Variants in INO80 observed in about 807,000 individuals in gnomAD.
INO80 encodes the protein chromatin-remodeling ATPase INO80.
A neutral mutation model predicts 203.4 loss-of-function variants in INO80; 20 were observed. The ratio of observed to expected loss-of-function variants is 0.10; its 90% CI spans 0.07 to 0.14. The LOEUF (loss-of-function observed/expected upper bound fraction) is 0.14. Among genes scored for constraint, INO80 ranks in the 10% least tolerant of loss-of-function variants. INO80 has a pLI of 1.00. For synonymous variants in INO80, 726 were observed against 685.2 expected, an observed-to-expected ratio of 1.06 and a Z score of -0.93; for missense variants, 1,419 against 1,914.4, an observed-to-expected ratio of 0.74 and a Z score of 4.83.
At chr15:41,064,804 C>CT (rs2045180539) in intron 14 of INO80, among the ~76,000 whole-genome samples, 1 of 152,156 alleles carries the variant, frequency 6.6e-6, no homozygotes. Context: ...TGAGACCAGC[C>CT]TGGCCAACGT....
rs1411714130 is a variant in INO80, at chr15:41,116,076, C to T, written c.-147G>A. The T allele has an allele frequency of 5.0e-6, 2 of 396,350 alleles. No individual in the cohort carries two copies. Among genetic ancestry groups the T allele is most frequent in the East Asian group, 3.6e-5 (1 of 27,946 alleles). 24.6% of individuals were successfully genotyped at this position (396,350 alleles called of 1,614,324 possible). On this transcript the variant is annotated 5_prime_UTR_variant, in exon 1 of 36. Transcript: ENST00000648947. ...CCCCGCCGACGGTGGAGCCGCGGTT[C>T]GCTCTCTGAGGCCGTGGGACGGTGA... is the stretch of plus-strand genomic sequence containing the variant.
chr15:40,987,778 G>A, intron 30 of INO80, 38 bp downstream of exon 30: 1 of 1,585,876 alleles, frequency 6.3e-7, no homozygotes, highest in Non-Finnish European at 8.6e-7. Flanking sequence ...CTTTCTGTTT[G>A]CTCCACCAGT....
chr15:41,066,616 G>C (rs905217538), intron 14 of INO80, among the ~76,000 whole-genome samples: 1 of 151,640 alleles, frequency 6.6e-6, no homozygotes, highest in East Asian at 1.9e-4. Flanking sequence ...ATTGTGTGAG[G>C]CCAGGAGTTA....
chr15:41,094,330 C>T (rs2045688302), intron 4 of INO80, among the ~76,000 whole-genome samples: 1 of 152,222 alleles, frequency 6.6e-6, no homozygotes, highest in Non-Finnish European at 1.5e-5. Flanking sequence ...TCTTTTTCCA[C>T]CAAACATACT....
At chr15:41,096,729 C>T (rs939935710) in intron 1 of INO80, among the ~76,000 whole-genome samples, 6 of 152,182 alleles carry the variant, frequency 3.9e-5, no homozygotes, top group East Asian at 1.9e-4. Flanking sequence ...CTGTTGTGCA[C>T]CTCAGAAAGG....
intron 27 of INO80, among the ~76,000 whole-genome samples, chr15:41,012,084 CAAAAG>C (rs533396233): frequency 4.6e-5 from 7 of 152,242 alleles, no homozygotes; most frequent in African/African-American, 1.7e-4. Flanking sequence ...GAATGAAACT[CAAAAG>C]AGAAGACTCA....
At chr15:41,005,514 A>G (rs1401039834) in intron 28 of INO80, 79 bp downstream of exon 28, 1 of 193,528 alleles carries the variant, frequency 5.2e-6, no homozygotes, top group Non-Finnish European at 1.0e-5. Flanking sequence ...CCTGGCATTT[A>G]AAAAAAAAAA....
chr15:41,043,474 G>T (rs2044702527), intron 24 of INO80, among the ~76,000 whole-genome samples: 1 of 152,106 alleles, frequency 6.6e-6, no homozygotes, highest in South Asian at 2.1e-4. Flanking sequence ...TTGCATTACT[G>T]ATTCCCTCTC....
Position 40,997,595 on chromosome 15 carries a change from G to A in INO80, c.3504C>T (p.Asp1168=). ...DMVADFQNRN[D]IFVFLLSTRA... is the part of the protein sequence containing the mutation. Reference sequence around the variant, plus strand: ...GTGTGCTTAACAGGAACACAAAGATGTCATTCCTGCAGAAAAGGGAGAGAT... The same window carrying A: ...GTGTGCTTAACAGGAACACAAAGATATCATTCCTGCAGAAAAGGGAGAGAT... Residue 1168 remains aspartate, a synonymous_variant, in exon 29 of 36, where the codon GAC becomes GAT. Transcript: ENST00000648947. 1 of 1,609,514 alleles carries A rather than the reference G, an allele frequency of 6.2e-7. No individual in the cohort carries two copies. Among genetic ancestry groups the A allele is most frequent in the Non-Finnish European group, 8.5e-7 (1 of 1,175,932 alleles).
rs2045546562 is a variant in INO80 at position 41,085,408 on chromosome 15, C to T, written c.834G>A (p.Arg278=). Residue 278 remains arginine, a synonymous_variant, in exon 7 of 36, where the codon AGG becomes AGA. Transcript: ENST00000648947. The stretch of plus-strand genomic sequence containing the variant: ...TTTTCACAATGCTGAGCCATACTTT[C>T]CTGCGACGAGCATTCAGCTGCTCAA... ...LSIEQLNARR[R]KVWLSIVKKE... is the part of the protein sequence containing the mutation. 6.2e-7 allele frequency: 1 copy of T among 1,614,028 alleles called. No individual in the cohort carries two copies. Among genetic ancestry groups the T allele is most frequent in the African/African-American group, 1.3e-5 (1 of 74,904 alleles).
intron 27 of INO80, among the ~76,000 whole-genome samples, chr15:41,010,003 A>G (rs942146850): frequency 6.6e-6 from 1 of 151,234 alleles, no homozygotes; most frequent in Non-Finnish European, 1.5e-5. Context: ...ATCCTGACTG[A>G]TAAAGAGTGG....
chr15:41,111,479 G>A (rs1047647660), intron 1 of INO80, among the ~76,000 whole-genome samples: 1 of 151,864 alleles, frequency 6.6e-6, no homozygotes, highest in African/African-American at 2.4e-5. Context: ...GGTCTGGTCT[G>A]TTCTTAAGCC....
intron 28 of INO80, chr15:40,999,281 C>T (rs918673291): frequency 6.6e-6 from 1 of 152,176 alleles, no homozygotes; most frequent in South Asian, 2.1e-4. Flanking sequence ...GGCTATTCTT[C>T]CTTGGTAAAG....
At chr15:41,077,079 T>C (rs549610728) in intron 9 of INO80, among the ~76,000 whole-genome samples, 1 of 152,168 alleles carries the variant, frequency 6.6e-6, no homozygotes, top group Non-Finnish European at 1.5e-5. Context: ...AGCTAATTTT[T>C]TGTATTTTTA....
At chr15:41,084,717 TTTTA>T (rs1400581685) in intron 7 of INO80, among the ~76,000 whole-genome samples, 4 of 152,194 alleles carry the variant, frequency 2.6e-5, no homozygotes, top group Middle Eastern at 3.4e-3. Flanking sequence ...ATCAACTCCT[TTTTA>T]TTTTATTTAA....
intron 1 of INO80, 71 bp from the exon 2 acceptor site, chr15:41,096,424 C>A: frequency 1.8e-6 from 2 of 1,124,088 alleles, no homozygotes; most frequent in Non-Finnish European, 2.4e-6. Context: ...CTGCTTGTTC[C>A]CAATGTGAAG....
chr15:41,053,470 C>G (rs571523094), intron 19 of INO80, among the ~76,000 whole-genome samples: 1 of 152,262 alleles, frequency 6.6e-6, no homozygotes, highest in East Asian at 1.9e-4. Flanking sequence ...TGAACACTGA[C>G]TAGATACGTG....
chr15:41,111,444 C>A (rs1238129327), intron 1 of INO80, among the ~76,000 whole-genome samples: 1 of 151,408 alleles, frequency 6.6e-6, no homozygotes, highest in Non-Finnish European at 1.5e-5. Context: ...GACTCCGTCT[C>A]AAAAAAAAGA....
chr15:41,094,497 C>T (rs2045691341), intron 4 of INO80, among the ~76,000 whole-genome samples: 1 of 152,176 alleles, frequency 6.6e-6, no homozygotes, highest in Admixed American at 6.6e-5. Context: ...GGCTTACTAA[C>T]TGCCTGCCTC....
Sources: gnomAD v4.1 joint callset for allele counts (sites outside exome capture counted in the v4.1 genomes callset) on GRCh38, gnomAD v4.1.1 for gene constraint, MANE v1.5 for transcripts, NCBI Gene and HGNC (gene_info 2026-07-23, HGNC 2026-07-21) for gene names.